XIRP2: variants seen among roughly 807,000 people sequenced by gnomAD.
XIRP2 encodes the protein xin actin binding repeat containing 2.
XIRP2 carries 236 observed loss-of-function variants against 277.0 expected under a neutral mutation model. The observed-to-expected ratio is 0.85, with a 90% confidence interval of 0.77 to 0.95. XIRP2 has a LOEUF of 0.95. Among genes scored for constraint, XIRP2 ranks in the 40% least tolerant of loss-of-function variants. The pLI is 0.00. For synonymous variants in XIRP2, 1,490 were observed against 1,416.5 expected (o/e 1.05, Z -1.17); for missense variants, 4,640 against 4,157.5 (o/e 1.12, Z -3.19).
At chr2:167,156,420 G>A (rs1413099969) in intron 3 of XIRP2, among the ~76,000 whole-genome samples, 5 of 152,120 alleles carry the variant, frequency 3.3e-5, no homozygotes, top group African/African-American at 4.8e-5. Context: ...AGTTTTAACA[G>A]CAATTTAAAA....
chr2:167,084,963 G>A (rs1198359682), intron 2 of XIRP2, among the ~76,000 whole-genome samples: 1 of 141,692 alleles, frequency 7.1e-6, no homozygotes, highest in East Asian at 2.1e-4. Context: ...TCTGATTTTA[G>A]TTATTTCTTG....
chr2:166,976,751 G>A (rs879458396), intron 2 of XIRP2, among the ~76,000 whole-genome samples: 2 of 151,920 alleles, frequency 1.3e-5, no homozygotes, highest in Non-Finnish European at 2.9e-5. Context: ...AGCCATTTCC[G>A]TTGTAAGGAA....
chr2:167,160,149 A>G (rs1692318596), intron 3 of XIRP2, among the ~76,000 whole-genome samples: 2 of 152,218 alleles, frequency 1.3e-5, no homozygotes, highest in Non-Finnish European at 2.9e-5. Flanking sequence ...ATAAGAAATA[A>G]CTATGTGTCT....
chr2:167,211,583 G>T (rs1694048386), intron 4 of XIRP2, among the ~76,000 whole-genome samples: 1 of 152,136 alleles, frequency 6.6e-6, no homozygotes, highest in South Asian at 2.1e-4. Flanking sequence ...CCTCAGGAAG[G>T]TCGGGAATTA....
intron 2 of XIRP2, among the ~76,000 whole-genome samples, chr2:167,025,542 A>T (rs1001205526): frequency 8.0e-5 from 12 of 150,932 alleles, no homozygotes; most frequent in Non-Finnish European, 1.8e-4. Context: ...TTTAATTGTG[A>T]TGTTAGGGTG....
chr2:166,908,833 A>G (rs1450879687), intron 2 of XIRP2, among the ~76,000 whole-genome samples: 1 of 152,104 alleles, frequency 6.6e-6, no homozygotes, highest in Non-Finnish European at 1.5e-5. Flanking sequence ...ATTTCTACAT[A>G]TGACTGGCTA....
rs749779754 is a variant in XIRP2 at position 167,249,065 on chromosome 2, T to C, written c.7673T>C (p.Ile2558Thr). 1 of 1,611,680 alleles carries C rather than the reference T, an allele frequency of 6.2e-7. No individual in the cohort carries two copies. Among genetic ancestry groups the C allele is most frequent in the South Asian group, 1.1e-5 (1 of 90,596 alleles). Residue 2558 changes from isoleucine to threonine, a missense_variant, in exon 9 of 11, where the codon ATT becomes ACT. Physicochemically the swap from Ile to Thr is moderately conservative, Grantham distance 89. Transcript: ENST00000409195. ...AAATATAGACAACAAAAAGAAGAAA[T>C]TGAAAAACAGAAACAGGAGAGTTCT... ...EEKYRQQKEE[I>T]EKQKQESSYY...
intron 2 of XIRP2, among the ~76,000 whole-genome samples, chr2:167,040,390 C>A (rs1272414223): frequency 6.6e-6 from 1 of 152,074 alleles, no homozygotes; most frequent in Non-Finnish European, 1.5e-5. Context: ...CATTCCTTAC[C>A]CCAAGTAGAT....
At chr2:166,894,765 C>A (rs1356800804) in intron 1 of XIRP2, among the ~76,000 whole-genome samples, 1 of 152,006 alleles carries the variant, frequency 6.6e-6, no homozygotes, top group Admixed American at 6.6e-5. Flanking sequence ...TGCACCTTGC[C>A]AACATAGAAT....
intron 2 of XIRP2, among the ~76,000 whole-genome samples, chr2:166,929,649 T>G (rs557948172): frequency 3.1e-4 from 47 of 152,158 alleles, no homozygotes; most frequent in Admixed American, 9.2e-4. Flanking sequence ...TTTTTTTCCT[T>G]ATTCCATATT....
intron 2 of XIRP2, among the ~76,000 whole-genome samples, chr2:166,998,186 G>A (rs1687275708): frequency 6.6e-6 from 1 of 152,050 alleles, no homozygotes; most frequent in Admixed American, 6.6e-5. Context: ...ATGAACATAC[G>A]CATGCAAATC....
At chr2:166,937,682 C>T (rs1310075527) in intron 2 of XIRP2, among the ~76,000 whole-genome samples, 3 of 152,302 alleles carry the variant, frequency 2.0e-5, no homozygotes, top group East Asian at 1.9e-4. Flanking sequence ...ACCAGCTCCT[C>T]CTTGTACCTC....
At chr2:167,182,519 C>T (rs778505842) in intron 3 of XIRP2, among the ~76,000 whole-genome samples, 6 of 152,254 alleles carry the variant, frequency 3.9e-5, no homozygotes, top group Non-Finnish European at 7.4e-5. Context: ...AAACATATCA[C>T]CCAACGTAGT....
intron 2 of XIRP2, among the ~76,000 whole-genome samples, chr2:166,972,256 G>A (rs1471801037): frequency 6.6e-6 from 1 of 152,058 alleles, no homozygotes; most frequent in African/African-American, 2.4e-5. Context: ...TTCTGCCATC[G>A]AGAACTGTGA....
Position 167,018,932 on chromosome 2 carries a change from C to T in XIRP2, c.408+115042C>T, listed in dbSNP as rs151322181. Among the ~76,000 whole-genome samples, 306 of 152,092 alleles carry T rather than the reference C, an allele frequency of 2.0e-3. 2 individuals carry two copies. The highest frequency in any genetic ancestry group is 9.7e-4 in the Non-Finnish European group (66 of 67,982). ...TTTCCTTTCATCTTTGATGTGAGCA[C>T]CTGGAAGGCAGGGATTTTTTTTTCT... On this transcript the variant is annotated intron_variant, in intron 2 of 10. Transcript: ENST00000409195.
In XIRP2 at chr2:167,258,318, G is replaced by A. The variant is rs1695723207; in HGVS notation, c.*501G>A. 1.9e-6 allele frequency: 3 copies of A among 1,613,084 alleles called. No individual in the cohort carries two copies. The highest frequency in any genetic ancestry group is 2.7e-5 in the African/African-American group (2 of 74,776). ...GATGTTAGAACTCCAGAAAATAAAG[G>A]ACAAAGACAAGATCACTTTCCATTT... On this transcript the variant is annotated 3_prime_UTR_variant, in exon 11 of 11. Transcript: ENST00000409195.
intron 2 of XIRP2, among the ~76,000 whole-genome samples, chr2:166,995,038 C>T (rs537697057): frequency 2.6e-5 from 4 of 152,012 alleles, no homozygotes; most frequent in South Asian, 2.1e-4. Flanking sequence ...CGCACCACCT[C>T]GCCCAGCTAA....
intron 2 of XIRP2, among the ~76,000 whole-genome samples, chr2:167,012,179 C>T (rs902107558): frequency 4.9e-4 from 75 of 152,002 alleles, no homozygotes; most frequent in Middle Eastern, 3.4e-3. Context: ...ATCTTTCCTG[C>T]TTTCTCTTGT....
intron 2 of XIRP2, among the ~76,000 whole-genome samples, chr2:167,041,185 A>G (rs2105520273): frequency 6.6e-6 from 1 of 152,282 alleles, no homozygotes; most frequent in Non-Finnish European, 1.5e-5. Flanking sequence ...TCCGGACAGT[A>G]ACTTCAAACA....
Sources: gnomAD v4.1 joint callset for allele counts (sites outside exome capture counted in the v4.1 genomes callset) on GRCh38, gnomAD v4.1.1 for gene constraint, MANE v1.5 for transcripts, NCBI Gene and HGNC (gene_info 2026-07-23, HGNC 2026-07-21) for gene names.